NKAIN2: variants seen among roughly 807,000 people sequenced by gnomAD.
The protein encoded by NKAIN2 is sodium/potassium-transporting ATPase subunit beta-1-interacting protein 2.
In NKAIN2, 14 loss-of-function variants were observed where a neutral mutation model predicts 32.6. That is an observed-to-expected ratio of 0.43 (90% CI 0.28 to 0.67). The LOEUF (loss-of-function observed/expected upper bound fraction) is 0.67, where lower values mean the gene tolerates loss of function less well. NKAIN2 is among the 30% of genes least tolerant of loss of function. The pLI is 0.17. For synonymous variants in NKAIN2, 80 were observed against 87.2 expected, an observed-to-expected ratio of 0.92 and a Z score of 0.46; for missense variants, 198 against 258.3, an observed-to-expected ratio of 0.77 and a Z score of 1.60.
At chr6:124,093,653 A>G (rs1784523333) in intron 1 of NKAIN2, among the ~76,000 whole-genome samples, 1 of 152,134 alleles carries the variant, frequency 6.6e-6, no homozygotes, top group Non-Finnish European at 1.5e-5. Flanking sequence ...AAATAAACAA[A>G]TTTTCATATG....
At chr6:123,804,506 A>C (rs763317644) in intron 1 of NKAIN2, among the ~76,000 whole-genome samples, 1 of 152,036 alleles carries the variant, frequency 6.6e-6, no homozygotes, top group Non-Finnish European at 1.5e-5. Context: ...CTTGTCTTTA[A>C]TTTCTTTAGG....
intron 1 of NKAIN2, among the ~76,000 whole-genome samples, chr6:124,024,977 C>A (rs1372257735): frequency 2.9e-5 from 4 of 139,718 alleles, no homozygotes; most frequent in Admixed American, 2.8e-4. Flanking sequence ...GAGTGAGATT[C>A]CGTCTCAAAA....
chr6:124,128,805 TTA>T (rs1786310940), intron 1 of NKAIN2, among the ~76,000 whole-genome samples: 2 of 152,338 alleles, frequency 1.3e-5, no homozygotes, highest in Non-Finnish European at 1.5e-5. Flanking sequence ...TCTTGAGGTG[TTA>T]TATTTTTCTC....
chr6:124,664,076 A>G (rs939192832), intron 4 of NKAIN2, among the ~76,000 whole-genome samples: 11 of 152,062 alleles, frequency 7.2e-5, no homozygotes, highest in Non-Finnish European at 1.5e-5. Context: ...GGAGTTTGAA[A>G]GCAGCCTGGC....
intron 3 of NKAIN2, among the ~76,000 whole-genome samples, chr6:124,644,102 A>G (rs1306376579): frequency 6.6e-6 from 1 of 152,154 alleles, no homozygotes; most frequent in African/African-American, 2.4e-5. Flanking sequence ...TCAGAAACAA[A>G]TTTTAGTGCT....
intron 1 of NKAIN2, among the ~76,000 whole-genome samples, chr6:123,940,424 G>C (rs1330553487): frequency 6.6e-6 from 1 of 151,722 alleles, no homozygotes; most frequent in Non-Finnish European, 1.5e-5. Context: ...TAATGACAGG[G>C]ATTGAGAAAT....
chr6:124,202,103 A>G (rs1582839389), intron 1 of NKAIN2, among the ~76,000 whole-genome samples: 1 of 151,976 alleles, frequency 6.6e-6, no homozygotes, highest in South Asian at 2.1e-4. Context: ...AAAGATGTGT[A>G]TGTCTGAAAA....
intron 4 of NKAIN2, among the ~76,000 whole-genome samples, chr6:124,744,612 T>A (rs1777371883): frequency 6.6e-6 from 1 of 151,800 alleles, no homozygotes; most frequent in Admixed American, 6.6e-5. Flanking sequence ...AAGCTTATAA[T>A]CTAAAATTTA....
At chr6:123,901,638 AT>A (rs1774593672) in intron 1 of NKAIN2, among the ~76,000 whole-genome samples, 1 of 152,048 alleles carries the variant, frequency 6.6e-6, no homozygotes. Flanking sequence ...CATATCAGTC[AT>A]TTTTCTGCAA....
chr6:123,947,583 A>C lies in NKAIN2; in HGVS notation c.54+143329A>C, dbSNP rs555646485. On this transcript the variant is annotated intron_variant, in intron 1 of 6. Transcript: ENST00000368417. ...TTTTTTAAGCCATAGCCAGAGAACCACAGACATGGGCTTTAAAGGCTTTGT... is the reference window on the plus strand; with the variant it reads ...TTTTTTAAGCCATAGCCAGAGAACCCCAGACATGGGCTTTAAAGGCTTTGT... Among the ~76,000 whole-genome samples the C allele has an allele frequency of 1.1e-4, 17 of 152,216 alleles. No homozygotes were observed. In the South Asian group the frequency reaches 3.5e-3, roughly 32 times the overall value.
intron 1 of NKAIN2, among the ~76,000 whole-genome samples, chr6:124,127,868 C>G (rs765148613): frequency 3.3e-5 from 5 of 152,018 alleles, no homozygotes; most frequent in Non-Finnish European, 5.9e-5. Context: ...GCTCTTGTTG[C>G]CCAGGCTGGA....
At chr6:124,794,988 C>A (rs1475966604) in intron 5 of NKAIN2, 1 of 190,308 alleles carries the variant, frequency 5.3e-6, no homozygotes, top group African/African-American at 2.4e-5. Context: ...CTCAAGCAAA[C>A]CCTGAAACAT....
At chr6:124,276,646 C>G (rs1445232691) in intron 1 of NKAIN2, among the ~76,000 whole-genome samples, 2 of 152,072 alleles carry the variant, frequency 1.3e-5, no homozygotes, top group Non-Finnish European at 2.9e-5. Flanking sequence ...AGAACACTAT[C>G]AATAATATTT....
At chr6:124,543,151 A>G (rs1375947221) in intron 3 of NKAIN2, among the ~76,000 whole-genome samples, 1 of 152,196 alleles carries the variant, frequency 6.6e-6, no homozygotes, top group Non-Finnish European at 1.5e-5. Flanking sequence ...TACAACTTTA[A>G]TAAAATTTAA....
chr6:124,572,901 G>T (rs1424016580), intron 3 of NKAIN2, among the ~76,000 whole-genome samples: 3 of 151,976 alleles, frequency 2.0e-5, no homozygotes, highest in Non-Finnish European at 4.4e-5. Context: ...AGTGCTGGGG[G>T]TGATCTCTGC....
intron 1 of NKAIN2, among the ~76,000 whole-genome samples, chr6:124,231,808 G>T (rs189563563): frequency 2.0e-4 from 31 of 151,470 alleles, no homozygotes; most frequent in African/African-American, 6.8e-4. Flanking sequence ...GTGTGAAAAT[G>T]GACTAATATT....
At chr6:124,597,822 A>C (rs2114974150) in intron 3 of NKAIN2, among the ~76,000 whole-genome samples, 1 of 152,312 alleles carries the variant, frequency 6.6e-6, no homozygotes, top group Non-Finnish European at 1.5e-5. Context: ...GATATTAGAG[A>C]TCTTCATTTG....
chr6:124,601,683 A>T (rs1244497930), intron 3 of NKAIN2, among the ~76,000 whole-genome samples: 1 of 152,102 alleles, frequency 6.6e-6, no homozygotes, highest in Admixed American at 6.6e-5. Flanking sequence ...GAGACTAGTA[A>T]GAAGTCTGCT....
chr6:124,284,694 T>C (rs1795459901), intron 2 of NKAIN2, among the ~76,000 whole-genome samples: 2 of 152,142 alleles, frequency 1.3e-5, no homozygotes, highest in South Asian at 4.1e-4. Context: ...CTAAAGGGGA[T>C]GTTCTATGAA....
Sources: allele counts gnomAD v4.1 joint callset (sites outside exome capture counted in the v4.1 genomes callset), GRCh38; gene constraint gnomAD v4.1.1; transcripts MANE v1.5; gene names NCBI Gene and HGNC (gene_info 2026-07-23, HGNC 2026-07-21).